Variants in DOCK1 observed in about 807,000 individuals in gnomAD.
DOCK1 encodes dedicator of cytokinesis 1.
A neutral mutation model predicts 262.7 loss-of-function variants in DOCK1; 138 were observed. The ratio of observed to expected loss-of-function variants is 0.53; its 90% confidence interval spans 0.46 to 0.61. The LOEUF is 0.61. DOCK1 is among the 20% of genes least tolerant of loss of function. The pLI is 0.00. For synonymous variants in DOCK1, 866 were observed against 867.4 expected (o/e 1.00, Z 0.03); for missense variants, 1,908 against 2,370.7 (o/e 0.80, Z 4.05).
At chr10:127,419,205 T>A (rs144245429) in intron 45 of DOCK1, among the ~76,000 whole-genome samples, 443 of 152,312 alleles carry the variant, frequency 2.9e-3, no homozygotes, top group African/African-American at 9.3e-3. Flanking sequence ...TGACCCCTGA[T>A]CTAGACAGAG....
chr10:127,106,148 G>A (rs1273002524), intron 23 of DOCK1, 83 bp from the exon 24 acceptor site: 10 of 1,342,598 alleles, frequency 7.4e-6, no homozygotes, highest in South Asian at 5.5e-5. Flanking sequence ...GTATTTCTGC[G>A]GTTCTTCTCA....
At chr10:127,188,349 GA>G (rs2056464169) in intron 27 of DOCK1, among the ~76,000 whole-genome samples, 1 of 152,202 alleles carries the variant, frequency 6.6e-6, no homozygotes, top group South Asian at 2.1e-4. Flanking sequence ...TCACTGAGCA[GA>G]CCCATAGTAG....
intron 27 of DOCK1, among the ~76,000 whole-genome samples, chr10:127,213,444 G>A (rs531613597): frequency 6.6e-6 from 1 of 152,172 alleles, no homozygotes; most frequent in Non-Finnish European, 1.5e-5. Flanking sequence ...AATTTACATG[G>A]TTTGGAATCA....
chr10:127,271,004 T>C (rs2060546246), intron 29 of DOCK1, among the ~76,000 whole-genome samples: 1 of 151,322 alleles, frequency 6.6e-6, no homozygotes, highest in African/African-American at 2.4e-5. Flanking sequence ...TGTGTATGTG[T>C]GTGTGTGTGT....
At chr10:127,403,962 T>C (rs2134327682) in intron 39 of DOCK1, among the ~76,000 whole-genome samples, 1 of 152,316 alleles carries the variant, frequency 6.6e-6, no homozygotes, top group Non-Finnish European at 1.5e-5. Flanking sequence ...TAAATTCTCT[T>C]TGAACGTATC....
At chr10:127,191,460 C>G (rs1410357937) in intron 27 of DOCK1, among the ~76,000 whole-genome samples, 1 of 152,148 alleles carries the variant, frequency 6.6e-6, no homozygotes, top group Non-Finnish European at 1.5e-5. Context: ...GGTTTTATAT[C>G]TTTGCTGCAT....
chr10:127,207,056 A>G (rs753369283), intron 27 of DOCK1, among the ~76,000 whole-genome samples: 12 of 152,182 alleles, frequency 7.9e-5, no homozygotes, highest in Admixed American at 2.6e-4. Flanking sequence ...ACCTGCCTGC[A>G]CTTCACAGAG....
intron 1 of DOCK1, among the ~76,000 whole-genome samples, chr10:126,960,745 TACAC>T (rs1168329136): frequency 1.6e-4 from 18 of 115,530 alleles, no homozygotes; most frequent in African/African-American, 3.6e-4. Context: ...TATATATATA[TACAC>T]ACACACACAC....
In DOCK1 at chr10:127,023,231, A is replaced by C. The variant is rs2042574156; in HGVS notation, c.1359A>C (p.Leu453Phe). Residue 453 changes from leucine (L) to phenylalanine (F), a missense_variant, in exon 14 of 52, where the codon TTA (leucine) becomes TTC (phenylalanine). By Grantham distance (22) the Leu-to-Phe change is conservative. Transcript: ENST00000623213. ...GDVRNDIYVT[L>F]VQGDFDKGSK... ...TTCGAAATGATATCTATGTAACATT[A>C]GTTCAAGGAGATTTTGATAAAGGAA... 6.2e-7 allele frequency: 1 copy of C among 1,613,896 alleles called. No individual in the cohort carries two copies. Among genetic ancestry groups the C allele is most frequent in the Non-Finnish European group, 8.5e-7 (1 of 1,179,902 alleles).
chr10:127,271,225 G>A (rs1242210650), intron 29 of DOCK1, among the ~76,000 whole-genome samples: 1 of 152,064 alleles, frequency 6.6e-6, no homozygotes, highest in Non-Finnish European at 1.5e-5. Flanking sequence ...ACCTGCTGGT[G>A]ACTGTCTGGG....
intron 32 of DOCK1, among the ~76,000 whole-genome samples, chr10:127,356,647 C>T (rs1388519050): frequency 1.3e-5 from 2 of 152,046 alleles, no homozygotes; most frequent in African/African-American, 4.8e-5. Context: ...AGGGCTTTCA[C>T]AGCAATGGCA....
At chr10:127,359,718 C>T (rs1039893110) in intron 32 of DOCK1, among the ~76,000 whole-genome samples, 5 of 152,076 alleles carry the variant, frequency 3.3e-5, no homozygotes, top group Non-Finnish European at 7.4e-5. Flanking sequence ...TGTGTATGTC[C>T]ACCCAATAAA....
intron 2 of DOCK1, among the ~76,000 whole-genome samples, chr10:126,977,558 A>G (rs2038641254): frequency 6.6e-6 from 1 of 152,114 alleles, no homozygotes; most frequent in African/African-American, 2.4e-5. Flanking sequence ...GTGCCCTTGG[A>G]GAGATCTTGG....
chr10:127,167,714 T>G (rs1420431643), intron 27 of DOCK1, among the ~76,000 whole-genome samples: 1 of 152,058 alleles, frequency 6.6e-6, no homozygotes, highest in African/African-American at 2.4e-5. Context: ...TGACGCTACA[T>G]CAGCTCCCCT....
chr10:127,375,162 T>G (rs369622158), intron 35 of DOCK1, among the ~76,000 whole-genome samples: 39 of 152,366 alleles, frequency 2.6e-4, no homozygotes, highest in African/African-American at 8.2e-4. Flanking sequence ...AATGAGCTTT[T>G]GGGAAGCTTT....
At chr10:127,217,515 T>G (rs1196341919) in intron 27 of DOCK1, among the ~76,000 whole-genome samples, 1 of 152,184 alleles carries the variant, frequency 6.6e-6, no homozygotes, top group African/African-American at 2.4e-5. Context: ...AGCAAAAACA[T>G]ATCTTTATTT....
chr10:127,264,443 A>G (rs75867929), intron 29 of DOCK1, among the ~76,000 whole-genome samples: 11,100 of 152,284 alleles, frequency 0.073, 446 homozygotes, highest in East Asian at 0.1. Flanking sequence ...ACACACTTTC[A>G]TAGAGGACTT....
chr10:127,035,970 C>G (rs2043569883), intron 18 of DOCK1, among the ~76,000 whole-genome samples: 1 of 150,098 alleles, frequency 6.7e-6, no homozygotes, highest in South Asian at 2.1e-4. Flanking sequence ...CTCCTGCACC[C>G]CAGCCTGTAT....
chr10:127,214,564 T>C (rs2058121287), intron 27 of DOCK1, among the ~76,000 whole-genome samples: 1 of 152,220 alleles, frequency 6.6e-6, no homozygotes, highest in South Asian at 2.1e-4. Context: ...TAGGAATAGA[T>C]GGCAGCAAGC....
Sources: gnomAD v4.1 joint callset for allele counts (sites outside exome capture counted in the v4.1 genomes callset) on GRCh38, gnomAD v4.1.1 for gene constraint, MANE v1.5 for transcripts, NCBI Gene and HGNC (gene_info 2026-07-23, HGNC 2026-07-21) for gene names.